The following DNAH8 variants were observed in gnomAD, a reference collection of about 807,000 sequenced individuals.
DNAH8 encodes the protein axonemal beta dynein heavy chain 8.
Under a neutral mutation model 562.1 loss-of-function variants are expected in DNAH8, and 382 were observed. The observed-to-expected ratio is 0.68, with a 90% CI of 0.63 to 0.74. The LOEUF is 0.74. Ranked by LOEUF, DNAH8 falls within the 30% of genes least tolerant of loss-of-function variation. The pLI is 0.00. For missense variants in DNAH8, 5,203 were observed against 5,620.4 expected (o/e 0.93, Z 2.37); for synonymous variants, 1,881 against 1,919.4 (o/e 0.98, Z 0.52).
chr6:38,791,410 A>G (rs1769730383), intron 20 of DNAH8, 145 bp from the exon 21 acceptor site: 1 of 1,029,890 alleles, frequency 9.7e-7, no homozygotes, highest in Non-Finnish European at 1.4e-6. Flanking sequence ...TCCTCCTAAA[A>G]TGTTCACCAA....
chr6:38,736,986 T>A, intron 5 of DNAH8, 81 bp from the exon 6 acceptor site: 1 of 975,508 alleles, frequency 1.0e-6, no homozygotes, highest in South Asian at 2.8e-5. Flanking sequence ...CTATGTTTAT[T>A]GCAATATAAA....
chr6:38,834,773 C>T lies in DNAH8; in HGVS notation c.4365+132C>T, dbSNP rs914519435. The T allele has an allele frequency of 7.7e-6, 5 of 651,432 alleles. No homozygotes were observed. In the African/African-American group the frequency reaches 9.3e-5, roughly 12 times the overall value. 40.4% of individuals were successfully genotyped at this position (651,432 alleles called of 1,614,324 possible). A position where few individuals can be genotyped will look rare whatever the true frequency, so the allele number is the denominator to read the frequency against. ...CATCAGTCCTTAATTGTATTCTAATCTGCTAAATGATGCAATTGACTCCTC... is the reference window on the plus strand; with the variant it reads ...CATCAGTCCTTAATTGTATTCTAATTTGCTAAATGATGCAATTGACTCCTC... On this transcript the variant is annotated intron_variant, in intron 32 of 92. Coordinates refer to ENST00000327475, the MANE Select transcript of DNAH8 (RefSeq NM_001206927.2).
rs1375287314 is a variant in DNAH8, at chr6:38,917,975, C to A, written c.10359C>A (p.Asp3453Glu). ...GGAGCCTTCAGCAGTTCCCTAAGGA[C>A]ACTATAAATGAAGAGACTGTTGAGT... ...FLWSLQQFPK[D>E]TINEETVELL... Residue 3453 changes from aspartate (D) to glutamate (E), a missense_variant, in exon 70 of 93, where the codon GAC (aspartate) becomes GAA (glutamate). Around this residue, in one of 6 missense-constraint regions of DNAH8, gnomAD observed 1,399 missense variants for 1,518.4 expected, o/e 0.92. Coordinates refer to ENST00000327475, the MANE Select transcript of DNAH8 (RefSeq NM_001206927.2). 2.5e-6 allele frequency: 4 copies of A among 1,613,720 alleles called. No homozygotes were observed.
At chr6:38,799,623 C>A (rs185286280) in intron 21 of DNAH8, among the ~76,000 whole-genome samples, 1 of 152,262 alleles carries the variant, frequency 6.6e-6, no homozygotes, top group African/African-American at 2.4e-5. Flanking sequence ...AATTCACATA[C>A]CCTACAATTC....
intron 91 of DNAH8, among the ~76,000 whole-genome samples, chr6:39,023,696 G>A (rs1378127746): frequency 6.6e-6 from 1 of 152,160 alleles, no homozygotes; most frequent in African/African-American, 2.4e-5. Context: ...ATAATGAACA[G>A]TTCATTGGAT....
chr6:38,937,593 G>A (rs528641167), intron 77 of DNAH8, among the ~76,000 whole-genome samples: 21 of 152,180 alleles, frequency 1.4e-4, no homozygotes, highest in Non-Finnish European at 2.8e-4. Flanking sequence ...GCGTGGACAA[G>A]CTGTGACACT....
chr6:38,954,320 C>A (rs1762109385), intron 82 of DNAH8, among the ~76,000 whole-genome samples: 1 of 152,130 alleles, frequency 6.6e-6, no homozygotes, highest in African/African-American at 2.4e-5. Flanking sequence ...CACAACCACA[C>A]AAAAGTAGTA....
chr6:38,861,257 T>A (rs912116151), intron 43 of DNAH8, among the ~76,000 whole-genome samples: 3 of 152,226 alleles, frequency 2.0e-5, no homozygotes, highest in Admixed American at 1.3e-4. Context: ...AGCCTCCTTT[T>A]GATTTATTGA....
chr6:39,013,580 G>A (rs76053409), intron 91 of DNAH8, among the ~76,000 whole-genome samples: 16,623 of 152,212 alleles, frequency 0.11, 1,098 homozygotes, highest in Admixed American at 0.2. Context: ...GGCCAGGAGC[G>A]ATGGCTCACG....
chr6:38,883,595 T>C, intron 55 of DNAH8, 139 bp downstream of exon 55: 2 of 1,044,526 alleles, frequency 1.9e-6, no homozygotes, highest in East Asian at 2.8e-5. Flanking sequence ...TTCAGCTGTT[T>C]AGCTTTCCTA....
chr6:38,903,736 C>T (rs954820262), intron 62 of DNAH8, among the ~76,000 whole-genome samples: 4 of 151,584 alleles, frequency 2.6e-5, no homozygotes, highest in Non-Finnish European at 4.4e-5. Flanking sequence ...CTCAGCCTCC[C>T]GAGTAGCTGG....
At chr6:38,727,015 A>T (rs1170839109) in intron 3 of DNAH8, among the ~76,000 whole-genome samples, 1 of 151,566 alleles carries the variant, frequency 6.6e-6, no homozygotes, top group East Asian at 1.9e-4. Context: ...GTGCCACCAC[A>T]CCCGGCTAAT....
At chr6:38,800,914 T>C (rs1206247464) in intron 21 of DNAH8, among the ~76,000 whole-genome samples, 3 of 152,198 alleles carry the variant, frequency 2.0e-5, no homozygotes, top group Non-Finnish European at 4.4e-5. Flanking sequence ...TCTTTTTATT[T>C]TTGAGTTGTA....
chr6:38,814,364 T>C (rs1772062152), intron 25 of DNAH8, among the ~76,000 whole-genome samples: 1 of 152,198 alleles, frequency 6.6e-6, no homozygotes, highest in South Asian at 2.1e-4. Flanking sequence ...GTGGAGCACC[T>C]GACGTCAGGA....
At chr6:38,726,459 A>G (rs928790432) in intron 3 of DNAH8, among the ~76,000 whole-genome samples, 1 of 152,196 alleles carries the variant, frequency 6.6e-6, no homozygotes, top group Admixed American at 6.5e-5. Context: ...TCTATTTGCT[A>G]TTCCTGGGGT....
chr6:38,752,606 T>A (rs1158381925), intron 9 of DNAH8, among the ~76,000 whole-genome samples: 1 of 148,250 alleles, frequency 6.7e-6, no homozygotes, highest in African/African-American at 2.5e-5. Context: ...CAATGTAGGT[T>A]TCATCCCAGA....
intron 7 of DNAH8, among the ~76,000 whole-genome samples, chr6:38,740,284 A>G (rs1258864283): frequency 6.6e-6 from 1 of 152,200 alleles, no homozygotes; most frequent in East Asian, 1.9e-4. Context: ...GTGTACATGA[A>G]TTTAGAGAAA....
intron 22 of DNAH8, among the ~76,000 whole-genome samples, chr6:38,804,782 AGAGAGAG>A (rs1771106754): frequency 8.6e-5 from 13 of 151,720 alleles, no homozygotes; most frequent in South Asian, 4.2e-4. Flanking sequence ...AGAGAGAGAG[AGAGAGAG>A]AAAGAGAAAA....
intron 31 of DNAH8, among the ~76,000 whole-genome samples, chr6:38,833,243 C>CT (rs5875642): frequency 0.19 from 27,471 of 148,304 alleles, 2,885 homozygotes; most frequent in East Asian, 0.44. Flanking sequence ...TTATATAATG[C>CT]TTTTTTTTTT....
Sources: gnomAD v4.1 joint callset for allele counts (sites outside exome capture counted in the v4.1 genomes callset) on GRCh38, gnomAD v4.1.1 for gene constraint, gnomAD v4.1.1 regional missense constraint, MANE v1.5 for transcripts, NCBI Gene and HGNC (gene_info 2026-07-23, HGNC 2026-07-21) for gene names.